Variants in COL14A1 observed in about 807,000 individuals in gnomAD.
The protein encoded by COL14A1 is collagen type XIV alpha 1 chain, also known as collagen alpha-1(XIV) chain.
Under a neutral mutation model 230.3 loss-of-function variants are expected in COL14A1, and 136 were observed. The observed-to-expected ratio is 0.59, with a 90% CI of 0.51 to 0.68. COL14A1 has a LOEUF of 0.68. COL14A1 is among the 30% of genes least tolerant of loss of function. The pLI, the probability that COL14A1 is intolerant of heterozygous loss-of-function variation, is 0.00. For synonymous variants in COL14A1, 792 were observed against 784.1 expected (o/e 1.01, Z -0.17); for missense variants, 1,976 against 2,215.8 (o/e 0.89, Z 2.17).
At chr8:120,298,597 T>TTATTTATATATA (rs1554620765) in intron 35 of COL14A1, among the ~76,000 whole-genome samples, 3 of 57,988 alleles carry the variant, frequency 5.2e-5, no homozygotes, top group Admixed American at 2.5e-4. Context: ...CCCATATATT[T>TTATTTATATATA]TATATATATA....
chr8:120,304,374 G>A (rs1209268785), intron 36 of COL14A1, among the ~76,000 whole-genome samples: 4 of 152,072 alleles, frequency 2.6e-5, no homozygotes, highest in Non-Finnish European at 4.4e-5. Context: ...TTTGATGTGC[G>A]TGTTTAGTGC....
intron 40 of COL14A1, among the ~76,000 whole-genome samples, chr8:120,320,958 C>A (rs1282049235): frequency 6.6e-6 from 1 of 152,184 alleles, no homozygotes; most frequent in African/African-American, 2.4e-5. Context: ...ATCTAAAGCT[C>A]AGAAAACGGA....
At chr8:120,145,219 T>C (rs1485666479) in intron 1 of COL14A1, among the ~76,000 whole-genome samples, 2 of 152,200 alleles carry the variant, frequency 1.3e-5, no homozygotes. Flanking sequence ...ACCTCTGTGA[T>C]GGTGGAAGTG....
chr8:120,323,766 A>G (rs372568840), intron 40 of COL14A1, among the ~76,000 whole-genome samples: 3 of 152,002 alleles, frequency 2.0e-5, no homozygotes, highest in Admixed American at 2.0e-4. Context: ...CTTCTGCTCC[A>G]TTGGTCTATG....
At chr8:120,298,612 T>C (rs1349077661) in intron 35 of COL14A1, among the ~76,000 whole-genome samples, 1 of 73,490 alleles carries the variant, frequency 1.4e-5, no homozygotes, top group African/African-American at 5.4e-5. Flanking sequence ...TATATATATA[T>C]ATATATATAT....
At chr8:120,338,272 G>A (rs1822154399) in intron 42 of COL14A1, among the ~76,000 whole-genome samples, 4 of 152,092 alleles carry the variant, frequency 2.6e-5, no homozygotes, top group Admixed American at 2.0e-4. Flanking sequence ...TGCTTGTTTT[G>A]CTTATTTTAA....
At chr8:120,270,768 C>T (rs751515857) in intron 26 of COL14A1, among the ~76,000 whole-genome samples, 4 of 151,656 alleles carry the variant, frequency 2.6e-5, no homozygotes, top group East Asian at 1.9e-4. Flanking sequence ...ACTTACACAT[C>T]GTTGGCAGAA....
chr8:120,262,416 G>T (rs948559917), intron 23 of COL14A1, among the ~76,000 whole-genome samples: 7 of 151,992 alleles, frequency 4.6e-5, no homozygotes, highest in African/African-American at 7.3e-5. Flanking sequence ...AGGTTGCAAT[G>T]AGCTGAGATC....
At chr8:120,175,968 A>G (rs1414589261) in intron 5 of COL14A1, among the ~76,000 whole-genome samples, 1 of 152,146 alleles carries the variant, frequency 6.6e-6, no homozygotes, top group East Asian at 1.9e-4. Flanking sequence ...ATTCTTTTTT[A>G]CTTGAAACAT....
chr8:120,318,183 GT>G (rs1563735154), intron 40 of COL14A1, among the ~76,000 whole-genome samples: 1 of 152,182 alleles, frequency 6.6e-6, no homozygotes, highest in Non-Finnish European at 1.5e-5. Flanking sequence ...TCAATCAGCC[GT>G]GTCTTCATTG....
intron 5 of COL14A1, among the ~76,000 whole-genome samples, chr8:120,189,555 A>G (rs1213775865): frequency 1.3e-5 from 2 of 151,670 alleles, no homozygotes; most frequent in Non-Finnish European, 2.9e-5. Flanking sequence ...ACATATGTAT[A>G]CATGTGCCAT....
At chr8:120,312,115 T>C (rs1253860670) in intron 37 of COL14A1, among the ~76,000 whole-genome samples, 1 of 151,756 alleles carries the variant, frequency 6.6e-6, no homozygotes, top group Non-Finnish European at 1.5e-5. Context: ...ATAAATAATA[T>C]ATTATTAAAC....
At chr8:120,342,601 A>G (rs1425352176) in intron 44 of COL14A1, among the ~76,000 whole-genome samples, 155 bp downstream of exon 44, 1 of 152,190 alleles carries the variant, frequency 6.6e-6, no homozygotes, top group Non-Finnish European at 1.5e-5. Flanking sequence ...TGACCCATCA[A>G]AGAGATCACT....
At chr8:120,233,583 C>A (rs1406168730) in intron 19 of COL14A1, among the ~76,000 whole-genome samples, 1 of 152,086 alleles carries the variant, frequency 6.6e-6, no homozygotes, top group South Asian at 2.1e-4. Context: ...GAATCCCCTC[C>A]CCATTGCTTG....
chr8:120,370,939 T>G (rs1348252683), intron 47 of COL14A1: 2 of 1,131,692 alleles, frequency 1.8e-6, no homozygotes, highest in African/African-American at 3.2e-5. Flanking sequence ...GATTCTAGTT[T>G]TCTAACAATT....
At chr8:120,169,548 A>G (rs1012326063) in intron 5 of COL14A1, among the ~76,000 whole-genome samples, 5 of 152,016 alleles carry the variant, frequency 3.3e-5, no homozygotes, top group Non-Finnish European at 7.4e-5. Flanking sequence ...TTCTTTAATG[A>G]ACACATAAAA....
At chr8:120,307,795 AC>A (rs1219758593) in intron 36 of COL14A1, among the ~76,000 whole-genome samples, 2 of 152,158 alleles carry the variant, frequency 1.3e-5, no homozygotes, top group African/African-American at 4.8e-5. Context: ...GGAAACAGGG[AC>A]CCTCTTAAAC....
rs1315028704 is a variant in COL14A1 at position 120,209,934 on chromosome 8, T to G, written c.1467+33T>G. 2.8e-6 allele frequency: 4 copies of G among 1,408,380 alleles called. No individual in the cohort carries two copies. In the African/African-American group the frequency reaches 5.8e-5, roughly 21 times the overall value. The allele number at this position is 1,408,380 out of a possible 1,614,324, so 87.2% of individuals were successfully genotyped here. On this transcript the variant is annotated intron_variant, in intron 12 of 47. Coordinates refer to ENST00000297848, the MANE Select transcript of COL14A1 (RefSeq NM_021110.4). ...CTTCCTACCTATTACAGTCCTAGAATCTTTTATTTCCTTAAATAAAATAAA... is the reference window on the plus strand; with the variant it reads ...CTTCCTACCTATTACAGTCCTAGAAGCTTTTATTTCCTTAAATAAAATAAA...
At chr8:120,353,954 C>A (rs1413268061) in intron 45 of COL14A1, among the ~76,000 whole-genome samples, 5 of 142,366 alleles carry the variant, frequency 3.5e-5, no homozygotes, top group African/African-American at 8.0e-5. Flanking sequence ...ATGTTTATTG[C>A]GGCATTATTC....
Sources: allele counts gnomAD v4.1 joint callset (sites outside exome capture counted in the v4.1 genomes callset), GRCh38; gene constraint gnomAD v4.1.1; transcripts MANE v1.5; gene names NCBI Gene and HGNC (gene_info 2026-07-23, HGNC 2026-07-21).